KIAA1217: variants seen among roughly 807,000 people sequenced by gnomAD.
KIAA1217 encodes the protein sickle tail protein homolog.
KIAA1217 carries 88 observed loss-of-function variants against 163.9 expected under a neutral mutation model. That is an observed-to-expected ratio of 0.54 (90% CI 0.45 to 0.64). KIAA1217 has a LOEUF of 0.64. Among genes scored for constraint, KIAA1217 ranks in the 30% least tolerant of loss-of-function variants. The probability of loss-of-function intolerance (pLI) is 0.00; values close to 1 mark genes in which losing one functional copy is unlikely to be tolerated. For synonymous variants in KIAA1217, 903 were observed against 923.1 expected, an observed-to-expected ratio of 0.98 and a Z score of 0.39; for missense variants, 2,372 against 2,475.0, an observed-to-expected ratio of 0.96 and a Z score of 0.88.
intron 2 of KIAA1217, among the ~76,000 whole-genome samples, chr10:24,054,740 A>G (rs1849764227): frequency 6.6e-6 from 1 of 152,218 alleles, no homozygotes; most frequent in South Asian, 2.1e-4. Flanking sequence ...AGCCTACTAC[A>G]CACCTAGGCT....
chr10:23,932,174 C>T (rs1843279818), intron 1 of KIAA1217, among the ~76,000 whole-genome samples: 1 of 152,066 alleles, frequency 6.6e-6, no homozygotes, highest in Non-Finnish European at 1.5e-5. Context: ...AAGTTGACCT[C>T]CTGGGACAAA....
At position 23,876,885 on chromosome 10, in the gene KIAA1217, C is replaced by T. The variant is rs752629308; in HGVS notation, c.-320-130340C>T. Among the ~76,000 whole-genome samples the T allele has an allele frequency of 9.9e-5, 15 of 151,982 alleles. 1 individual carries two copies. The highest frequency in any genetic ancestry group is 7.2e-4 in the Admixed American group (11 of 15,234). On this transcript the variant is annotated intron_variant, in intron 1 of 18. Coordinates refer to the KIAA1217 transcript ENST00000376462. The stretch of plus-strand genomic sequence containing the variant: ...GATGACAACAATAAAGGGTGAGTTA[C>T]GAAGAGTTCGGTTTAGGGTGAGCGG...
chr10:23,980,527 G>A (rs1447397625), intron 1 of KIAA1217, among the ~76,000 whole-genome samples: 1 of 152,142 alleles, frequency 6.6e-6, no homozygotes, highest in African/African-American at 2.4e-5. Flanking sequence ...TGGATCACCA[G>A]GAGAGTGTCC....
Position 24,533,257 on chromosome 10 carries a change from G to T in KIAA1217, c.3414+20G>T, listed in dbSNP as rs764344024. 2 of 1,591,012 alleles carry T rather than the reference G, an allele frequency of 1.3e-6. No individual in the cohort carries two copies. The highest frequency in any genetic ancestry group is 3.4e-5 in the Admixed American group (2 of 58,606). ...CTCCAGGTATGTGGATGAGGTGACTGACATTGGCTCCTTGCCTCCCGCCTG... is the reference window on the plus strand; with the variant it reads ...CTCCAGGTATGTGGATGAGGTGACTTACATTGGCTCCTTGCCTCCCGCCTG... On this transcript the variant is annotated intron_variant, in intron 16 of 20. Coordinates refer to ENST00000376454, the MANE Select transcript of KIAA1217 (RefSeq NM_019590.5).
intron 1 of KIAA1217, among the ~76,000 whole-genome samples, chr10:23,977,954 C>A (rs1415310671): frequency 6.6e-6 from 1 of 152,162 alleles, no homozygotes; most frequent in Non-Finnish European, 1.5e-5. Context: ...ACAACATCCC[C>A]TGTTTCTTAT....
chr10:24,514,523 C>T (rs909910678), intron 10 of KIAA1217, among the ~76,000 whole-genome samples: 9 of 152,146 alleles, frequency 5.9e-5, no homozygotes, highest in Admixed American at 4.6e-4. Context: ...AATTAGGCTG[C>T]TGTTCATCCA....
intron 2 of KIAA1217, among the ~76,000 whole-genome samples, chr10:24,092,652 CA>C (rs2061976701): frequency 6.7e-6 from 1 of 150,332 alleles, no homozygotes; most frequent in African/African-American, 2.5e-5. Flanking sequence ...AAACCTGGCT[CA>C]AAAAACTATG....
At chr10:24,001,915 G>A (rs1025289260) in intron 1 of KIAA1217, among the ~76,000 whole-genome samples, 1 of 151,806 alleles carries the variant, frequency 6.6e-6, no homozygotes, top group Non-Finnish European at 1.5e-5. Context: ...TTTTTTTTCA[G>A]GCAGATACTG....
intron 2 of KIAA1217, among the ~76,000 whole-genome samples, chr10:24,008,684 T>C (rs1847115364): frequency 6.6e-6 from 1 of 152,114 alleles, no homozygotes; most frequent in Non-Finnish European, 1.5e-5. Flanking sequence ...TTTGTAAGCA[T>C]ATGGATTCTA....
intron 2 of KIAA1217, among the ~76,000 whole-genome samples, chr10:24,153,799 T>C (rs2131865325): frequency 6.6e-6 from 1 of 152,286 alleles, no homozygotes; most frequent in East Asian, 1.9e-4. Flanking sequence ...ATCAAAGCCT[T>C]AGTTTGTTCA....
chr10:23,778,512 G>GC (rs1835106535), intron 1 of KIAA1217, among the ~76,000 whole-genome samples: 2 of 152,306 alleles, frequency 1.3e-5, no homozygotes, highest in South Asian at 4.1e-4. Flanking sequence ...ACATCAGGTA[G>GC]CCCCTGATTG....
chr10:23,988,987 G>A (rs191651555), intron 1 of KIAA1217, among the ~76,000 whole-genome samples: 4 of 152,148 alleles, frequency 2.6e-5, no homozygotes, highest in East Asian at 3.9e-4. Context: ...ATAAAACACC[G>A]ATTTGCTGAT....
chr10:23,863,057 T>C (rs962357251), intron 1 of KIAA1217, among the ~76,000 whole-genome samples: 2 of 152,174 alleles, frequency 1.3e-5, no homozygotes, highest in African/African-American at 4.8e-5. Flanking sequence ...GAAATTTTCT[T>C]CATCTGTTTA....
At chr10:24,489,031 G>A (rs2065763511) in intron 6 of KIAA1217, among the ~76,000 whole-genome samples, 1 of 152,122 alleles carries the variant, frequency 6.6e-6, no homozygotes, top group African/African-American at 2.4e-5. Context: ...CACTTTCTGG[G>A]GTGGGGAGAG....
intron 2 of KIAA1217, among the ~76,000 whole-genome samples, chr10:24,316,557 G>A (rs969081605): frequency 3.3e-5 from 5 of 152,110 alleles, no homozygotes; most frequent in Non-Finnish European, 5.9e-5. Context: ...TAGTGGACTC[G>A]ATCAACTCCT....
At chr10:24,507,056 T>G (rs1032276966) in intron 9 of KIAA1217, among the ~76,000 whole-genome samples, 6 of 152,222 alleles carry the variant, frequency 3.9e-5, no homozygotes, top group Non-Finnish European at 5.9e-5. Context: ...GAGGCCTTGT[T>G]GAGCACCTGG....
At position 23,751,596 on chromosome 10, in the gene KIAA1217, TA is replaced by T. The variant is rs569223835; in HGVS notation, c.-321+56372del. Among the ~76,000 whole-genome samples the T allele has an allele frequency of 7.2e-3, 1,076 of 149,028 alleles. 19 individuals are homozygous for T. The highest frequency in any genetic ancestry group is 0.025 in the African/African-American group (1,022 of 40,728). On this transcript the variant is annotated intron_variant, in intron 1 of 18. Coordinates refer to the KIAA1217 transcript ENST00000376462. ...GTCCCCTTGAACTTACTTTCAGTAT[TA>T]AAAAAAAAAGAAATTTCTTCTTATT...
intron 1 of KIAA1217, among the ~76,000 whole-genome samples, chr10:23,880,116 G>T (rs1176348193): frequency 2.0e-5 from 3 of 151,834 alleles, no homozygotes; most frequent in Non-Finnish European, 4.4e-5. Flanking sequence ...TGAGAAGTGA[G>T]CATGGTATGA....
intron 2 of KIAA1217, among the ~76,000 whole-genome samples, chr10:24,359,706 G>A (rs1345141789): frequency 6.6e-6 from 1 of 152,062 alleles, no homozygotes; most frequent in East Asian, 1.9e-4. Flanking sequence ...GATTCCTTAG[G>A]AAATTAGAAA....
Sources: gnomAD v4.1 joint callset for allele counts (sites outside exome capture counted in the v4.1 genomes callset) on GRCh38, gnomAD v4.1.1 for gene constraint, MANE v1.5 for transcripts, NCBI Gene and HGNC (gene_info 2026-07-23, HGNC 2026-07-21) for gene names.